The following HTATIP2 variants were observed in gnomAD, a reference collection of about 807,000 sequenced individuals.
HTATIP2 encodes the protein HIV-1 Tat interactive protein 2.
Under a neutral mutation model 24.7 loss-of-function variants are expected in HTATIP2, and 26 were observed. The observed-to-expected ratio is 1.05, with a 90% confidence interval of 0.77 to 1.46. The LOEUF (loss-of-function observed/expected upper bound fraction) is 1.46. HTATIP2 is among the 40% of genes most tolerant of loss of function. The pLI is 0.00. For missense variants in HTATIP2, 284 were observed against 289.6 expected, an observed-to-expected ratio of 0.98 and a Z score of 0.14; for synonymous variants, 99 against 113.2, an observed-to-expected ratio of 0.87 and a Z score of 0.79.
intron 3 of HTATIP2, among the ~76,000 whole-genome samples, chr11:20,380,686 A>G (rs1024652443): frequency 1.1e-4 from 16 of 151,718 alleles, no homozygotes; most frequent in African/African-American, 3.6e-4. Context: ...AAAAAAAAAA[A>G]AAAAAGCTAA....
At position 20,364,519 on chromosome 11, in the gene HTATIP2, C is replaced by A. The variant is rs916361723; in HGVS notation, c.195+87C>A. 6 of 1,186,264 alleles carry A rather than the reference C, an allele frequency of 5.1e-6. No homozygotes were observed. The African/African-American group carries it at 7.7e-5, about 15-fold the overall frequency. 73.5% of individuals were successfully genotyped at this position (1,186,264 alleles called of 1,614,324 possible). ...TGCCTAAAGGCTGAATACTGCCCTG[C>A]CAGTGGTGGGGGTAGTGAGAGGCCA... On this transcript the variant is annotated intron_variant, in intron 1 of 4. Transcript: ENST00000451739.
At chr11:20,377,045 C>A (rs542310465) in intron 3 of HTATIP2, among the ~76,000 whole-genome samples, 1 of 151,756 alleles carries the variant, frequency 6.6e-6, no homozygotes, top group Non-Finnish European at 1.5e-5. Flanking sequence ...AATGACTGAG[C>A]GGAAAGAAGA....
At chr11:20,368,310 C>T (rs2064735252) in intron 2 of HTATIP2, among the ~76,000 whole-genome samples, 1 of 152,096 alleles carries the variant, frequency 6.6e-6, no homozygotes, top group Non-Finnish European at 1.5e-5. Flanking sequence ...TCATTTATAC[C>T]AACCGAGTAG....
At chr11:20,367,726 A>T in intron 2 of HTATIP2, 2 of 993,622 alleles carry the variant, frequency 2.0e-6, no homozygotes, top group Non-Finnish European at 2.5e-6. Context: ...GGAATAGAAC[A>T]TCAGAACACA....
intron 1 of HTATIP2, among the ~76,000 whole-genome samples, chr11:20,366,698 T>C (rs186303205): frequency 1.3e-5 from 2 of 152,004 alleles, no homozygotes; most frequent in Admixed American, 1.3e-4. Context: ...TGGATTGGAC[T>C]GAAGGAAAGA....
chr11:20,375,744 T>C (rs1240767909), intron 2 of HTATIP2, among the ~76,000 whole-genome samples: 1 of 152,234 alleles, frequency 6.6e-6, no homozygotes, highest in African/African-American at 2.4e-5. Flanking sequence ...CAAGAGACTG[T>C]TACTCCTTGG....
chr11:20,376,898 A>G (rs1848455334), intron 3 of HTATIP2, among the ~76,000 whole-genome samples, 181 bp downstream of exon 3: 1 of 152,196 alleles, frequency 6.6e-6, no homozygotes, highest in East Asian at 1.9e-4. Context: ...GTAATTTCCA[A>G]TGTCTTCCTC....
At chr11:20,381,604 C>G (rs185679292) in intron 3 of HTATIP2, among the ~76,000 whole-genome samples, 1 of 152,170 alleles carries the variant, frequency 6.6e-6, no homozygotes, top group East Asian at 1.9e-4. Context: ...TGTGGTAGTT[C>G]ACAGGCCTTT....
intron 4 of HTATIP2, 24 bp from the exon 5 acceptor site, chr11:20,382,956 C>CTTTCTTTTTTTTT (rs1592323463): frequency 3.2e-6 from 4 of 1,256,528 alleles, no homozygotes; most frequent in African/African-American, 1.5e-5. Context: ...GCTTTTCTTT[C>CTTTCTTTTTTTTT]TTTTTTTTTT....
intron 1 of HTATIP2, among the ~76,000 whole-genome samples, chr11:20,365,994 A>G (rs928981995): frequency 1.3e-5 from 2 of 150,808 alleles, no homozygotes; most frequent in Admixed American, 6.6e-5. Context: ...AAAAAAGAAA[A>G]GAAACAAATT....
chr11:20,375,383 C>T (rs1848430596), intron 2 of HTATIP2, among the ~76,000 whole-genome samples: 1 of 152,166 alleles, frequency 6.6e-6, no homozygotes, highest in Non-Finnish European at 1.5e-5. Context: ...ACCAGCCTCG[C>T]TAACGTGGTG....
intron 1 of HTATIP2, among the ~76,000 whole-genome samples, chr11:20,364,755 A>C (rs10833312): frequency 0.5 from 76,724 of 152,018 alleles, 19,757 homozygotes; most frequent in Middle Eastern, 0.59. Flanking sequence ...TACAAGCTGT[A>C]TTCTAGAGGC....
chr11:20,376,551 G>A (rs559857593), intron 2 of HTATIP2, 29 bp from the exon 3 acceptor site: 4 of 1,612,652 alleles, frequency 2.5e-6, no homozygotes, highest in African/African-American at 1.3e-5. Flanking sequence ...CTGCTTTTTG[G>A]AAATAACTCA....
At position 20,383,299 on chromosome 11, in the gene HTATIP2, T is replaced by C. The variant is rs1848550513; in HGVS notation, c.*94T>C. Reference sequence around the variant, plus strand: ...AAAAAAAGTCAGCATGTTTTAACTTTGTTGTTTTACTATCCTCAGGCATCC... The same window carrying C: ...AAAAAAAGTCAGCATGTTTTAACTTCGTTGTTTTACTATCCTCAGGCATCC... On this transcript the variant is annotated 3_prime_UTR_variant, in exon 5 of 5. Transcript: ENST00000451739. 1 of 931,554 alleles carries C rather than the reference T, an allele frequency of 1.1e-6. No individual in the cohort carries two copies. The highest frequency in any genetic ancestry group is 1.6e-5 in the South Asian group (1 of 61,466). 57.7% of individuals were successfully genotyped at this position (931,554 alleles called of 1,614,324 possible). A position where few individuals can be genotyped will look rare whatever the true frequency, so the allele number is the denominator to read the frequency against.
intron 2 of HTATIP2, among the ~76,000 whole-genome samples, chr11:20,369,966 AT>A (rs1384784616): frequency 5.9e-5 from 9 of 152,154 alleles, no homozygotes; most frequent in Non-Finnish European, 5.9e-5. Flanking sequence ...GCAGATGCTA[AT>A]CTTCCTTTTC....
At chr11:20,371,439 C>T (rs1003808291) in intron 2 of HTATIP2, among the ~76,000 whole-genome samples, 4 of 152,140 alleles carry the variant, frequency 2.6e-5, no homozygotes, top group African/African-American at 9.7e-5. Flanking sequence ...GACAGAGTCT[C>T]ATTCCATCGC....
intron 1 of HTATIP2, 66 bp downstream of exon 1, chr11:20,364,498 T>A: frequency 7.2e-7 from 1 of 1,391,760 alleles, no homozygotes; most frequent in Non-Finnish European, 9.9e-7. Flanking sequence ...ATTTCATGCC[T>A]AAAGGCTGAA....
intron 2 of HTATIP2, among the ~76,000 whole-genome samples, chr11:20,375,401 G>A (rs1173014593): frequency 6.6e-6 from 1 of 152,188 alleles, no homozygotes; most frequent in African/African-American, 2.4e-5. Context: ...GTGAAACCCT[G>A]TCTCTACTAA....
intron 1 of HTATIP2, among the ~76,000 whole-genome samples, chr11:20,366,734 A>G (rs1231951433): frequency 6.6e-6 from 1 of 152,144 alleles, no homozygotes; most frequent in Non-Finnish European, 1.5e-5. Context: ...TACAGCTGAA[A>G]AAAAAAAGCT....
Sources: allele counts gnomAD v4.1 joint callset (sites outside exome capture counted in the v4.1 genomes callset), GRCh38; gene constraint gnomAD v4.1.1; transcripts MANE v1.5; gene names NCBI Gene and HGNC (gene_info 2026-07-23, HGNC 2026-07-21).